The following CENATAC variants were observed in gnomAD, a reference collection of about 807,000 sequenced individuals.
CENATAC encodes centrosomal AT-AC splicing factor, also known as coiled-coil domain containing 84.
A neutral mutation model predicts 53.7 loss-of-function variants in CENATAC; 53 were observed. The ratio of observed to expected loss-of-function variants is 0.99; its 90% CI spans 0.79 to 1.24. CENATAC has a LOEUF of 1.24. Among genes scored for constraint, CENATAC ranks in the 50% most tolerant of loss-of-function variants. The pLI is 0.00. For missense variants in CENATAC, 474 were observed against 417.8 expected, an observed-to-expected ratio of 1.13 and a Z score of -1.17; for synonymous variants, 156 against 144.6, an observed-to-expected ratio of 1.08 and a Z score of -0.57.
intron 3 of CENATAC, among the ~76,000 whole-genome samples, chr11:119,004,122 C>T (rs1212884114): frequency 6.6e-6 from 1 of 152,172 alleles, no homozygotes; most frequent in African/African-American, 2.4e-5. Flanking sequence ...TTCGATTTTA[C>T]TCAAAGGCAT....
rs1254618613 is a variant in CENATAC, at chr11:119,015,064, T to TGAAGA, written c.787_791dup (p.Phe265LysfsTer12). On this transcript the variant is annotated frameshift_variant, in exon 9 of 11. Coordinates refer to ENST00000334418, the MANE Select transcript of CENATAC (RefSeq NM_198489.3). LOFTEE classifies it high-confidence loss of function. ...GGAACCAAGAAATAGGACCATCCTATGAAGAATTTCTTAAAGAAAGTAAGT... is the reference window on the plus strand; with the variant it reads ...GGAACCAAGAAATAGGACCATCCTATGAAGAGAAGAATTTCTTAAAGAAAGTAAGT... 6.2e-7 allele frequency: 1 copy of TGAAGA among 1,611,312 alleles called. No homozygotes were observed. Among genetic ancestry groups the TGAAGA allele is most frequent in the East Asian group, 2.2e-5 (1 of 44,872 alleles).
In CENATAC at chr11:119,001,397, C is replaced by CT. The variant is rs939323181; in HGVS notation, c.383+2299dup. ...GTGTGTAAGTTTTGATAAATTTTAACTTTTTTTTTTTGGAGAGGGAGTTTT... is the reference window on the plus strand; with the variant it reads ...GTGTGTAAGTTTTGATAAATTTTAACTTTTTTTTTTTTGGAGAGGGAGTTTT... On this transcript the variant is annotated intron_variant, in intron 3 of 10. Coordinates refer to ENST00000334418, the MANE Select transcript of CENATAC (RefSeq NM_198489.3). Among the ~76,000 whole-genome samples, 98 of 147,218 alleles carry CT rather than the reference C, an allele frequency of 6.7e-4. No individual in the cohort carries two copies. In the Middle Eastern group the frequency reaches 0.014, roughly 21 times the overall value.
intron 8 of CENATAC, 98 bp downstream of exon 8, chr11:119,013,360 AT>A: frequency 1.2e-6 from 1 of 861,530 alleles, no homozygotes. Flanking sequence ...CAGTGGCGCA[AT>A]CTCAGCTCGC....
In CENATAC at chr11:119,005,521, TCTGGTCTCAAACTC is replaced by T. The variant is rs1189975355; in HGVS notation, c.384-5233_384-5220del. On this transcript the variant is annotated intron_variant, in intron 3 of 10. Transcript: ENST00000334418. ...ATTCCACATTGTCATTTTCTTTTCC[TCTGGTCTCAAACTC>T]CTGGTCTCAGGCAATCCTCCCACCT... 1.4e-4 allele frequency among the ~76,000 whole-genome samples: 22 copies of T among 151,822 alleles called. No individual in the cohort carries two copies. The South Asian group carries it at 2.5e-3, about 17-fold the overall frequency.
intron 8 of CENATAC, among the ~76,000 whole-genome samples, chr11:119,013,653 C>T (rs1286135202): frequency 6.6e-6 from 1 of 151,770 alleles, no homozygotes; most frequent in Non-Finnish European, 1.5e-5. Context: ...TCAGTAGAGA[C>T]GGGGTTTCAC....
At chr11:119,004,886 C>G (rs1406186928) in intron 3 of CENATAC, 1 of 151,832 alleles carries the variant, frequency 6.6e-6, no homozygotes, top group African/African-American at 2.4e-5. Context: ...TAGTGAAACC[C>G]CATCTCTAAA....
chr11:119,003,481 A>G lies in CENATAC; in HGVS notation c.383+4372A>G. 3 of 440,792 alleles carry G rather than the reference A, an allele frequency of 6.8e-6. No homozygotes were observed. The Admixed American group carries it at 8.2e-5, about 12-fold the overall frequency. 27.3% of individuals were successfully genotyped at this position (440,792 alleles called of 1,614,324 possible). ...AGGGGCTGATTTTTGTATTTTTCGT[A>G]GAGATAGGGTGTCACCATGTTGGCC... On this transcript the variant is annotated intron_variant, in intron 3 of 10. Transcript: ENST00000334418.
At chr11:119,000,743 C>T (rs1240937869) in intron 3 of CENATAC, among the ~76,000 whole-genome samples, 1 of 151,528 alleles carries the variant, frequency 6.6e-6, no homozygotes, top group Non-Finnish European at 1.5e-5. Flanking sequence ...GGCAAAAGAT[C>T]GAAACTCTGT....
At chr11:119,008,535 C>G (rs1782059465) in intron 3 of CENATAC, among the ~76,000 whole-genome samples, 1 of 152,206 alleles carries the variant, frequency 6.6e-6, no homozygotes, top group Non-Finnish European at 1.5e-5. Flanking sequence ...GGCAGCTTTT[C>G]TCCCATCTCA....
chr11:119,011,482 C>T (rs1273476476), intron 5 of CENATAC, among the ~76,000 whole-genome samples, 199 bp downstream of exon 5: 3 of 152,016 alleles, frequency 2.0e-5, no homozygotes, highest in Admixed American at 6.6e-5. Context: ...CAGGTTCAAG[C>T]GATTCTCCTG....
At chr11:119,007,706 C>G (rs1226081646) in intron 3 of CENATAC, among the ~76,000 whole-genome samples, 1 of 152,130 alleles carries the variant, frequency 6.6e-6, no homozygotes, top group Non-Finnish European at 1.5e-5. Context: ...GAGCTGGTCT[C>G]AAACTCCTGG....
chr11:119,015,139 T>G, intron 9 of CENATAC, 56 bp downstream of exon 9: 1 of 1,520,278 alleles, frequency 6.6e-7, no homozygotes, highest in Non-Finnish European at 9.1e-7. Flanking sequence ...AAAAATGGTT[T>G]CCTTGCCTGT....
In CENATAC at chr11:119,006,075, A is replaced by ATTTTTTTTT. The variant is rs564551696; in HGVS notation, c.384-4667_384-4659dup. 1.2e-4 allele frequency: 7 copies of ATTTTTTTTT among 58,510 alleles called. 1 individual carries two copies. The highest frequency in any genetic ancestry group is 4.5e-4 in the African/African-American group (6 of 13,456). The allele number at this position is 58,510 out of a possible 1,614,324, so 3.6% of individuals were successfully genotyped here. On this transcript the variant is annotated intron_variant, in intron 3 of 10. Transcript: ENST00000334418. ...TGCCTTGGCCTTCAGAGTAGGCAGG[A>ATTTTTTTTT]TTTTTTTTTTTTTTTTTTTTTTTTT...
At chr11:118,999,134 A>C (rs758493728) in intron 3 of CENATAC, 25 bp downstream of exon 3, 117 of 1,525,798 alleles carry the variant, frequency 7.7e-5, no homozygotes, top group Non-Finnish European at 9.4e-5. Context: ...TGGAACGTGA[A>C]GTAGCAGAGT....
In CENATAC at chr11:119,012,006, A is replaced by G. The variant is rs1420396406; in HGVS notation, c.578+3A>G. On this transcript the variant is annotated splice_donor_region_variant and intron_variant, in intron 6 of 10. Coordinates refer to ENST00000334418, the MANE Select transcript of CENATAC (RefSeq NM_198489.3). ...AGAAGCTGGAAAGGGATGAACAGGT[A>G]AGACTATTAGGGAATCTCTTGTTGG... is the stretch of plus-strand genomic sequence containing the variant. 1 of 1,613,826 alleles carries G rather than the reference A, an allele frequency of 6.2e-7. No individual in the cohort carries two copies. The highest frequency in any genetic ancestry group is 1.3e-5 in the African/African-American group (1 of 74,910).
At chr11:119,013,296 G>C in intron 8 of CENATAC, 34 bp downstream of exon 8, 2 of 1,571,132 alleles carry the variant, frequency 1.3e-6, no homozygotes, top group Non-Finnish European at 1.7e-6. Context: ...AAAACCCTGG[G>C]AGATTTTTTT....
At position 119,006,898 on chromosome 11, in the gene CENATAC, TTTCA is replaced by T. The variant is rs1041677003; in HGVS notation, c.384-3862_384-3859del. 1.5e-3 allele frequency among the ~76,000 whole-genome samples: 235 copies of T among 152,330 alleles called. 1 individual carries two copies. The highest frequency in any genetic ancestry group is 5.4e-3 in the African/African-American group (223 of 41,580). ...TAAGGGGTTTCCCCTTTCACTTGGT[TTTCA>T]TTCTCTCTGGCCTGCCACCATGAGA... On this transcript the variant is annotated intron_variant, in intron 3 of 10. Coordinates refer to ENST00000334418, the MANE Select transcript of CENATAC (RefSeq NM_198489.3).
intron 3 of CENATAC, among the ~76,000 whole-genome samples, chr11:119,002,613 C>T (rs961614876): frequency 6.6e-6 from 1 of 151,980 alleles, no homozygotes; most frequent in Admixed American, 6.6e-5. Flanking sequence ...GCTAGGATTA[C>T]AGGCATGAGC....
intron 2 of CENATAC, 80 bp downstream of exon 2, chr11:118,998,673 G>A (rs147229113): frequency 1.4e-6 from 2 of 1,477,574 alleles, no homozygotes; most frequent in Non-Finnish European, 1.8e-6. Context: ...TGAGAAAAAG[G>A]ACGCTTTTGT....
Sources: gnomAD v4.1 joint callset for allele counts (sites outside exome capture counted in the v4.1 genomes callset) on GRCh38, gnomAD v4.1.1 for gene constraint, MANE v1.5 for transcripts, NCBI Gene and HGNC (gene_info 2026-07-23, HGNC 2026-07-21) for gene names.